WASL: variants seen among roughly 807,000 people sequenced by gnomAD.
WASL encodes WASP like actin nucleation promoting factor, also known as actin nucleation-promoting factor WASL.
WASL carries 20 observed loss-of-function variants against 55.5 expected under a neutral mutation model. The observed-to-expected ratio is 0.36, with a 90% CI of 0.25 to 0.52. WASL has a LOEUF of 0.52. Among genes scored for constraint, WASL ranks in the 20% least tolerant of loss-of-function variants. The probability of loss-of-function intolerance (pLI) is 0.92; values close to 1 mark genes in which losing one functional copy is unlikely to be tolerated. For synonymous variants in WASL, 249 were observed against 217.6 expected, an observed-to-expected ratio of 1.14 and a Z score of -1.27; for missense variants, 504 against 622.5, an observed-to-expected ratio of 0.81 and a Z score of 2.03.
chr7:123,748,571 C>G (rs776273854), intron 1 of WASL, 47 bp downstream of exon 1: 11 of 1,595,300 alleles, frequency 6.9e-6, no homozygotes, highest in Non-Finnish European at 9.4e-6. Context: ...CAAGCCCGGG[C>G]CCGTGAGGTA....
intron 1 of WASL, among the ~76,000 whole-genome samples, chr7:123,743,969 G>T (rs921553849): frequency 3.3e-5 from 5 of 152,140 alleles, no homozygotes; most frequent in African/African-American, 1.2e-4. Context: ...CTAGACAAAG[G>T]TATCTTCTCA....
rs758867068 is a variant in WASL at position 123,748,758 on chromosome 7, T to C, written c.-24A>G. 3 of 1,519,452 alleles carry C rather than the reference T, an allele frequency of 2.0e-6. No homozygotes were observed. In the African/African-American group the frequency reaches 4.5e-5, roughly 23 times the overall value. 94.1% of individuals were successfully genotyped at this position (1,519,452 alleles called of 1,614,324 possible). ...ATGGTTTCGCCGGCGGGGTTGGGAG[T>C]CCAGGGCCGTCTCCTCCGGCGAGTG... is the stretch of plus-strand genomic sequence containing the variant. On this transcript the variant is annotated 5_prime_UTR_variant, in exon 1 of 11. Transcript: ENST00000223023.
Position 123,692,801 on chromosome 7 carries a change from C to T in WASL, c.893G>A (p.Gly298Asp). 1 of 1,451,176 alleles carries T rather than the reference C, an allele frequency of 6.9e-7. No homozygotes were observed. Among genetic ancestry groups the T allele is most frequent in the East Asian group, 2.4e-5 (1 of 40,986 alleles). 89.9% of individuals were successfully genotyped at this position (1,451,176 alleles called of 1,614,324 possible). The stretch of plus-strand genomic sequence containing the variant: ...TCCCCTAGCAGGAGGAGGAGGAGGA[C>T]CTGAGTTGTGTGGAGGGGGAGGAGG... ...PPPPPPPHNSGPPPPPARGRG... is the reference protein window; with the variant it reads ...PPPPPPPHNSDPPPPPARGRG... The change falls in exon 9 of 11, where the codon GGT (glycine) becomes GAT (aspartate). Residue 298 changes from glycine (G) to aspartate (D), a missense_variant. Physicochemically the swap from Gly to Asp is moderately conservative, Grantham distance 94. This residue lies in a region of WASL where 201 missense variants were observed against 206.2 expected (regional missense o/e 0.97). Coordinates refer to ENST00000223023, the MANE Select transcript of WASL (RefSeq NM_003941.4).
At chr7:123,706,614 T>C (rs577630684) in intron 3 of WASL, 126 bp downstream of exon 3, 8 of 839,712 alleles carry the variant, frequency 9.5e-6, no homozygotes, top group African/African-American at 3.6e-5. Flanking sequence ...GAATATTTCA[T>C]CTTCAGCAAA....
At chr7:123,686,449 G>A (rs1244242793) in intron 10 of WASL, among the ~76,000 whole-genome samples, 1 of 151,948 alleles carries the variant, frequency 6.6e-6, no homozygotes, top group Non-Finnish European at 1.5e-5. Flanking sequence ...TGGTGAAGAG[G>A]AAGAAGTAGC....
At chr7:123,692,325 A>G (rs767772385) in intron 9 of WASL, 22 bp downstream of exon 9, 1 of 574,496 alleles carries the variant, frequency 1.7e-6, no homozygotes, top group African/African-American at 2.0e-5. Context: ...ATCTAAAATG[A>G]AAAAAAAAAA....
rs1323207806 is a variant in WASL at position 123,692,460 on chromosome 7, G to C, written c.1234C>G (p.Gln412Glu). The change falls in exon 9 of 11, where the codon CAA (glutamine) becomes GAA (glutamate). Residue 412 changes from glutamine (Q) to glutamate (E), a missense_variant. By Grantham distance (29) the Gln-to-Glu change is conservative. Transcript: ENST00000223023. ...TTTAGCTGAGCACCCTCTCTAATTT[G>C]ATCTAAAAGAGCTGCTTTGTTTCCT... ...TAGNKAALLDQIREGAQLKKV... is the reference protein window; with the variant it reads ...TAGNKAALLDEIREGAQLKKV... The C allele has an allele frequency of 6.2e-7, 1 of 1,613,950 alleles. No individual in the cohort carries two copies. The highest frequency in any genetic ancestry group is 1.7e-5 in the Admixed American group (1 of 59,996).
chr7:123,719,976 T>C (rs1477674832), intron 1 of WASL, among the ~76,000 whole-genome samples: 1 of 152,134 alleles, frequency 6.6e-6, no homozygotes, highest in Non-Finnish European at 1.5e-5. Context: ...CCAGTTACTG[T>C]ATTATAATCT....
rs1803250619 is a variant in WASL at position 123,684,285 on chromosome 7, T to C, written c.*234A>G. ...GAATGAAAAATATTCACAAATCAAG[T>C]GAGCATCCTGGTGTAAACTTGCACA... is the stretch of plus-strand genomic sequence containing the variant. On this transcript the variant is annotated 3_prime_UTR_variant, in exon 11 of 11. Transcript: ENST00000223023. 5.0e-6 allele frequency: 1 copy of C among 201,668 alleles called. No individual in the cohort carries two copies. The highest frequency in any genetic ancestry group is 5.9e-5 in the Admixed American group (1 of 16,932). 12.5% of individuals were successfully genotyped at this position (201,668 alleles called of 1,614,324 possible).
chr7:123,706,229 A>G, intron 4 of WASL, 48 bp downstream of exon 4: 1 of 1,542,920 alleles, frequency 6.5e-7, no homozygotes, highest in South Asian at 1.1e-5. Flanking sequence ...CACTTGCCCC[A>G]TGAGCATTAG....
At chr7:123,702,947 G>A (rs998056951) in intron 5 of WASL, among the ~76,000 whole-genome samples, 2 of 152,032 alleles carry the variant, frequency 1.3e-5, no homozygotes, top group African/African-American at 2.4e-5. Flanking sequence ...AAAGTGTTTC[G>A]ATGGCACCAC....
At chr7:123,691,296 G>C (rs1005150992) in intron 9 of WASL, among the ~76,000 whole-genome samples, 9 of 152,076 alleles carry the variant, frequency 5.9e-5, no homozygotes, top group African/African-American at 2.2e-4. Flanking sequence ...GTTATAAAAG[G>C]CTCCAAAAGA....
At chr7:123,706,867 A>C in intron 2 of WASL, 41 bp from the exon 3 acceptor site, 2 of 1,259,206 alleles carry the variant, frequency 1.6e-6, no homozygotes, top group Non-Finnish European at 2.2e-6. Flanking sequence ...CTACCAAAAC[A>C]TAATCTCTAG....
intron 1 of WASL, among the ~76,000 whole-genome samples, chr7:123,719,188 T>G (rs1289887406): frequency 6.6e-6 from 1 of 152,250 alleles, no homozygotes; most frequent in South Asian, 2.1e-4. Flanking sequence ...ACATGTGTTC[T>G]GATCAGCAGT....
chr7:123,685,269 G>A (rs938614881), intron 10 of WASL, among the ~76,000 whole-genome samples: 3 of 151,858 alleles, frequency 2.0e-5, no homozygotes, highest in African/African-American at 7.3e-5. Context: ...AATGAAATCT[G>A]ATGCTACCTC....
chr7:123,692,680 CG>C lies in WASL; in HGVS notation c.1013del (p.Pro338ArgfsTer31). Reference sequence around the variant, plus strand: ...GTGGAGGAGGGTACATCCTATTTGGCGGTGGTGGAGGGACTGCTACACTTGG... The same window carrying C: ...GTGGAGGAGGGTACATCCTATTTGGCGTGGTGGAGGGACTGCTACACTTGG... ...SRPSVAVPPP[P>X]PNRMYPPPPP... On this transcript the variant is annotated frameshift_variant, in exon 9 of 11. Transcript: ENST00000223023. LOFTEE classifies it high-confidence loss of function. 1 of 1,537,336 alleles carries C rather than the reference CG, an allele frequency of 6.5e-7. No individual in the cohort carries two copies. The highest frequency in any genetic ancestry group is 1.3e-5 in the South Asian group (1 of 78,194).
intron 1 of WASL, among the ~76,000 whole-genome samples, chr7:123,717,720 A>G (rs781631127): frequency 1.3e-5 from 2 of 152,164 alleles, no homozygotes; most frequent in Non-Finnish European, 2.9e-5. Context: ...TGGTTTCAAA[A>G]CTTTTTTTTT....
chr7:123,684,558 A>C lies in WASL; in HGVS notation c.1479T>G (p.Asp493Glu). Residue 493 changes from aspartate to glutamate, a missense_variant, in exon 11 of 11, where the codon GAT becomes GAG. Asp to Glu is a conservative substitution (Grantham distance 45). This residue lies in a region of WASL where 53 missense variants were observed against 69.1 expected (regional missense o/e 0.77). Transcript: ENST00000223023. ...HSSDEDEDEDDEEDFEDDDEW... is the reference protein window; with the variant it reads ...HSSDEDEDEDEEEDFEDDDEW... ...CATCATCATCCTCAAAATCTTCTTC[A>C]TCATCTTCATCTTCATCTTCATCTA... 1 of 1,401,860 alleles carries C rather than the reference A, an allele frequency of 7.1e-7. No homozygotes were observed. Among genetic ancestry groups the C allele is most frequent in the Non-Finnish European group, 9.8e-7 (1 of 1,017,706 alleles). The allele number at this position is 1,401,860 out of a possible 1,614,324, so 86.8% of individuals were successfully genotyped here.
At chr7:123,689,666 T>C (rs1230054005) in intron 9 of WASL, among the ~76,000 whole-genome samples, 2 of 152,168 alleles carry the variant, frequency 1.3e-5, no homozygotes, top group Non-Finnish European at 2.9e-5. Context: ...TCTTTTCTCA[T>C]AGTATATAAT....
Sources: allele counts gnomAD v4.1 joint callset (sites outside exome capture counted in the v4.1 genomes callset), GRCh38; gene constraint gnomAD v4.1.1; regional missense constraint gnomAD v4.1.1; transcripts MANE v1.5; gene names NCBI Gene and HGNC (gene_info 2026-07-23, HGNC 2026-07-21).